STX8: variants seen among roughly 807,000 people sequenced by gnomAD.
STX8 encodes syntaxin-8.
STX8 carries 23 observed loss-of-function variants against 37.5 expected under a neutral mutation model. The observed-to-expected ratio is 0.61, with a 90% CI of 0.44 to 0.87. STX8 has a LOEUF of 0.87. Among genes scored for constraint, STX8 ranks in the 40% least tolerant of loss-of-function variants. The pLI is 0.00. For missense variants in STX8, 313 were observed against 284.7 expected, an observed-to-expected ratio of 1.10 and a Z score of -0.71; for synonymous variants, 115 against 99.1, an observed-to-expected ratio of 1.16 and a Z score of -0.95.
chr17:9,415,693 C>A (rs1166733714), intron 6 of STX8, among the ~76,000 whole-genome samples: 1 of 152,110 alleles, frequency 6.6e-6, no homozygotes, highest in African/African-American at 2.4e-5. Context: ...GGCGTGAACC[C>A]GGTAGGTGGA....
chr17:9,386,775 T>C (rs993851399), intron 6 of STX8, among the ~76,000 whole-genome samples: 1 of 152,192 alleles, frequency 6.6e-6, no homozygotes, highest in African/African-American at 2.4e-5. Context: ...ATGGCTGAGT[T>C]AGAGGGTGAC....
At chr17:9,365,791 G>A (rs1911211834) in intron 7 of STX8, among the ~76,000 whole-genome samples, 1 of 152,202 alleles carries the variant, frequency 6.6e-6, no homozygotes, top group Non-Finnish European at 1.5e-5. Context: ...GACCAACAGG[G>A]TGAAACCCTG....
At chr17:9,502,534 T>G (rs899043001) in intron 5 of STX8, among the ~76,000 whole-genome samples, 8 of 152,190 alleles carry the variant, frequency 5.3e-5, no homozygotes. Context: ...AAACAACACA[T>G]TGCAAACCAT....
chr17:9,488,280 C>T (rs538052632), intron 6 of STX8, among the ~76,000 whole-genome samples: 3 of 150,580 alleles, frequency 2.0e-5, no homozygotes, highest in South Asian at 4.2e-4. Flanking sequence ...GAGCCGAGAT[C>T]GCACCACTGC....
intron 6 of STX8, among the ~76,000 whole-genome samples, chr17:9,473,827 T>C (rs150712666): frequency 5.3e-5 from 8 of 152,348 alleles, no homozygotes; most frequent in African/African-American, 1.9e-4. Flanking sequence ...TTGTTATTCA[T>C]GATGAGTCTT....
intron 7 of STX8, among the ~76,000 whole-genome samples, chr17:9,325,623 G>C (rs546002531): frequency 2.0e-5 from 3 of 152,340 alleles, no homozygotes; most frequent in African/African-American, 7.2e-5. Context: ...TTACATAGTT[G>C]GTCCTGGGTA....
At chr17:9,459,491 G>A (rs1000982083) in intron 6 of STX8, among the ~76,000 whole-genome samples, 9 of 152,170 alleles carry the variant, frequency 5.9e-5, no homozygotes, top group African/African-American at 1.9e-4. Flanking sequence ...TACCACAGAC[G>A]GGAAGCTCAC....
chr17:9,327,271 G>GAAA (rs1567785010), intron 7 of STX8, among the ~76,000 whole-genome samples: 16 of 149,504 alleles, frequency 1.1e-4, no homozygotes, highest in African/African-American at 4.0e-4. Context: ...GGAGGAGGAA[G>GAAA]GAGGAAGAAG....
At chr17:9,292,620 T>C (rs1002010140) in intron 7 of STX8, among the ~76,000 whole-genome samples, 13 of 152,198 alleles carry the variant, frequency 8.5e-5, no homozygotes, top group African/African-American at 3.1e-4. Flanking sequence ...AGGAGTTTCC[T>C]CCTCTCACCT....
chr17:9,490,752 C>T (rs920646879), intron 6 of STX8, among the ~76,000 whole-genome samples: 1 of 152,106 alleles, frequency 6.6e-6, no homozygotes, highest in Non-Finnish European at 1.5e-5. Flanking sequence ...TTTTCTCTTC[C>T]TACTTTGTCT....
intron 6 of STX8, among the ~76,000 whole-genome samples, chr17:9,458,889 G>A (rs946428008): frequency 2.0e-5 from 3 of 151,082 alleles, no homozygotes; most frequent in African/African-American, 7.3e-5. Flanking sequence ...GAGTGCAGTG[G>A]TGCAATCTCG....
intron 7 of STX8, among the ~76,000 whole-genome samples, chr17:9,285,877 T>A (rs1029197819): frequency 2.0e-5 from 3 of 152,180 alleles, no homozygotes; most frequent in Non-Finnish European, 2.9e-5. Context: ...AGACAAACAA[T>A]ACCTTCACAT....
chr17:9,436,373 T>A (rs937987913), intron 6 of STX8, among the ~76,000 whole-genome samples: 9 of 151,736 alleles, frequency 5.9e-5, no homozygotes, highest in Non-Finnish European at 1.3e-4. Flanking sequence ...TACCCTACCT[T>A]TGACTTGCCA....
At chr17:9,381,796 C>T (rs1911831993) in intron 6 of STX8, among the ~76,000 whole-genome samples, 1 of 152,140 alleles carries the variant, frequency 6.6e-6, no homozygotes, top group African/African-American at 2.4e-5. Context: ...TGGTGGAACC[C>T]CTTCTCTGCT....
intron 1 of STX8, among the ~76,000 whole-genome samples, chr17:9,574,135 G>A (rs1418152979): frequency 6.6e-6 from 1 of 151,840 alleles, no homozygotes; most frequent in African/African-American, 2.4e-5. Context: ...GCTGGGCGTG[G>A]CTGCGTGCGC....
At chr17:9,330,052 T>G (rs1034679722) in intron 7 of STX8, among the ~76,000 whole-genome samples, 2 of 151,966 alleles carry the variant, frequency 1.3e-5, no homozygotes, top group African/African-American at 4.8e-5. Context: ...TGCGATACCC[T>G]GGGAGGTCCC....
intron 6 of STX8, chr17:9,464,628 GAGC>G (rs1905529820): frequency 6.6e-6 from 1 of 151,956 alleles, no homozygotes; most frequent in Non-Finnish European, 1.5e-5. Flanking sequence ...TGTCAGAAGT[GAGC>G]AGATCATAAA....
chr17:9,572,323 A>G (rs1442613225), intron 1 of STX8, among the ~76,000 whole-genome samples: 1 of 152,208 alleles, frequency 6.6e-6, no homozygotes, highest in Non-Finnish European at 1.5e-5. Context: ...ATTGCTAGAC[A>G]CTGAGGGAGG....
rs139840060 is a variant in STX8, at chr17:9,318,921, C to G, written c.643+59631G>C. On this transcript the variant is annotated intron_variant, in intron 7 of 7. Transcript: ENST00000306357. ...AAATGCCAGAATGACAAGCAGTTCT[C>G]AAAACAGGGGTGCAGAGCCAGTGCG... Among the ~76,000 whole-genome samples, 646 of 152,182 alleles carry G rather than the reference C, an allele frequency of 4.2e-3. 7 individuals carry two copies. The highest frequency in any genetic ancestry group is 0.015 in the African/African-American group (604 of 41,508).
Sources: allele counts gnomAD v4.1 joint callset (sites outside exome capture counted in the v4.1 genomes callset), GRCh38; gene constraint gnomAD v4.1.1; transcripts MANE v1.5; gene names NCBI Gene and HGNC (gene_info 2026-07-23, HGNC 2026-07-21).